ESR1: variants seen among roughly 807,000 people sequenced by gnomAD.
ESR1 encodes estrogen receptor.
In ESR1, 12 loss-of-function variants were observed where a neutral mutation model predicts 52.7. The ratio of observed to expected loss-of-function variants is 0.23; its 90% confidence interval spans 0.15 to 0.37. The LOEUF (loss-of-function observed/expected upper bound fraction) is 0.37. Among genes scored for constraint, ESR1 ranks in the 10% least tolerant of loss-of-function variants. The probability of loss-of-function intolerance (pLI) is 1.00; values close to 1 mark genes in which losing one functional copy is unlikely to be tolerated. For synonymous variants in ESR1, 305 were observed against 316.8 expected (o/e 0.96, Z 0.39); for missense variants, 584 against 779.7 (o/e 0.75, Z 2.99).
intron 2 of ESR1, among the ~76,000 whole-genome samples, chr6:151,793,414 A>T (rs1249563513): frequency 6.6e-6 from 1 of 152,172 alleles, no homozygotes; most frequent in Non-Finnish European, 1.5e-5. Flanking sequence ...TTTACAGGTA[A>T]TATTTTTTTC....
chr6:151,897,042 G>C (rs1422078744), intron 3 of ESR1, among the ~76,000 whole-genome samples: 1 of 152,132 alleles, frequency 6.6e-6, no homozygotes. Flanking sequence ...TGGACTGAGA[G>C]AGTAGTTGAC....
chr6:151,720,097 CT>C (rs1208986615), intron 2 of ESR1, among the ~76,000 whole-genome samples: 1 of 151,930 alleles, frequency 6.6e-6, no homozygotes, highest in Admixed American at 6.6e-5. Flanking sequence ...CATTGGCTCA[CT>C]TTTTTTTGTC....
upstream of ESR1, among the ~76,000 whole-genome samples, chr6:151,806,530 G>GTATATTTATATA (rs1554259016): frequency 1.0e-5 from 1 of 96,468 alleles, no homozygotes; most frequent in African/African-American, 4.0e-5. Flanking sequence ...TCCTTAATAT[G>GTATATTTATATA]TATATATATA....
rs578126038 is a variant in ESR1, at chr6:151,901,094, C to T, written c.760+20323C>T. 6.6e-5 allele frequency among the ~76,000 whole-genome samples: 10 copies of T among 152,296 alleles called. No individual in the cohort carries two copies. In the South Asian group the frequency reaches 1.9e-3, roughly 28 times the overall value. ...AAGGCTAGGACTGTCTGAGCTCAGA[C>T]TCTCCTCGGGTGAGTCTTGCTGAGG... On this transcript the variant is annotated intron_variant, in intron 3 of 7. Transcript: ENST00000206249.
exon 7 of ESR1, chr6:152,127,194 C>T (rs1351915640): frequency 6.6e-6 from 1 of 152,054 alleles, no homozygotes; most frequent in Non-Finnish European, 1.5e-5. Flanking sequence ...AGGCTTCTAC[C>T]CATCAATGGC....
chr6:151,770,065 A>C (rs914462265), intron 2 of ESR1, among the ~76,000 whole-genome samples: 1 of 151,836 alleles, frequency 6.6e-6, no homozygotes, highest in East Asian at 1.9e-4. Flanking sequence ...GATGAGGAGA[A>C]CTCAAGTTAT....
At chr6:151,985,522 A>AAAAAAAAC (rs2040388919) in intron 4 of ESR1, among the ~76,000 whole-genome samples, 2 of 137,960 alleles carry the variant, frequency 1.4e-5, no homozygotes, top group African/African-American at 6.2e-5. Flanking sequence ...AAAAAAAAAA[A>AAAAAAAAC]AAAAAAAAAA....
At chr6:151,856,690 A>T (rs1396618315) in intron 2 of ESR1, among the ~76,000 whole-genome samples, 1 of 152,162 alleles carries the variant, frequency 6.6e-6, no homozygotes, top group Non-Finnish European at 1.5e-5. Flanking sequence ...CACATGAGAT[A>T]ATAGCAAAAT....
chr6:152,075,912 C>T (rs898668641), intron 6 of ESR1, among the ~76,000 whole-genome samples: 2 of 151,998 alleles, frequency 1.3e-5, no homozygotes, highest in Non-Finnish European at 2.9e-5. Flanking sequence ...ATTGATTTGG[C>T]AAGGAATGAA....
chr6:151,799,777 G>A (rs1390105992), upstream of ESR1, among the ~76,000 whole-genome samples: 1 of 152,196 alleles, frequency 6.6e-6, no homozygotes. Flanking sequence ...ATGTCTCAAG[G>A]GAGACTTGAA....
chr6:151,738,593 C>T (rs979642951), intron 2 of ESR1, among the ~76,000 whole-genome samples: 7 of 152,120 alleles, frequency 4.6e-5, no homozygotes, highest in Admixed American at 3.9e-4. Context: ...TTGTTCTGAA[C>T]ATAACATTTC....
At chr6:151,895,778 G>A (rs1434261230) in intron 3 of ESR1, among the ~76,000 whole-genome samples, 1 of 152,122 alleles carries the variant, frequency 6.6e-6, no homozygotes, top group African/African-American at 2.4e-5. Context: ...TTGATATGCT[G>A]TTTGATTTGG....
chr6:151,989,895 C>G (rs2040851535), intron 4 of ESR1, among the ~76,000 whole-genome samples: 1 of 151,890 alleles, frequency 6.6e-6, no homozygotes, highest in Non-Finnish European at 1.5e-5. Flanking sequence ...TCTGTGTTAG[C>G]CTATCTGTTT....
chr6:151,942,010 C>G (rs567761670), intron 3 of ESR1, among the ~76,000 whole-genome samples: 1 of 152,160 alleles, frequency 6.6e-6, no homozygotes, highest in Non-Finnish European at 1.5e-5. Context: ...CTTCTTGTTA[C>G]TCTAACTTGA....
chr6:151,909,724 C>T (rs932587194), intron 3 of ESR1, among the ~76,000 whole-genome samples: 2 of 152,168 alleles, frequency 1.3e-5, no homozygotes, highest in Non-Finnish European at 2.9e-5. Context: ...ACCCCTGGAA[C>T]TTGGCCAACT....
intron 1 of ESR1, among the ~76,000 whole-genome samples, chr6:151,826,045 C>T (rs1752563292): frequency 6.6e-6 from 1 of 151,782 alleles, no homozygotes; most frequent in Non-Finnish European, 1.5e-5. Context: ...TGGACATGAG[C>T]CAGGTTGAGC....
chr6:151,843,538 C>G (rs1784636210), intron 2 of ESR1, among the ~76,000 whole-genome samples: 1 of 152,158 alleles, frequency 6.6e-6, no homozygotes, highest in Non-Finnish European at 1.5e-5. Context: ...ATCATTTTTA[C>G]TACCTAAAAT....
chr6:152,102,096 TAAGG>T lies in ESR1; in HGVS notation c.*3134_*3137del, dbSNP rs2050981206. 1 of 212,880 alleles carries T rather than the reference TAAGG, an allele frequency of 4.7e-6. No homozygotes were observed. The allele number at this position is 212,880 out of a possible 1,614,324, so 13.2% of individuals were successfully genotyped here. A position where few individuals can be genotyped will look rare whatever the true frequency, so the allele number is the denominator to read the frequency against. On this transcript the variant is annotated 3_prime_UTR_variant, in exon 8 of 8. Transcript: ENST00000206249. ...AATGTAGGTTGCAAAATCTAACCCCTAAGGAAGTGCAGTCTTTGATTTGATTTCC... is the reference window on the plus strand; with the variant it reads ...AATGTAGGTTGCAAAATCTAACCCCTAAGTGCAGTCTTTGATTTGATTTCC...
intron 4 of ESR1, among the ~76,000 whole-genome samples, chr6:151,947,891 G>A (rs1413949673): frequency 1.3e-5 from 2 of 152,072 alleles, no homozygotes; most frequent in East Asian, 3.8e-4. Context: ...CACATACTAT[G>A]TATCTACTTT....
Sources: allele counts gnomAD v4.1 joint callset (sites outside exome capture counted in the v4.1 genomes callset), GRCh38; gene constraint gnomAD v4.1.1; transcripts MANE v1.5; gene names NCBI Gene and HGNC (gene_info 2026-07-23, HGNC 2026-07-21).